Variants in MORC3 observed in about 807,000 individuals in gnomAD.
The protein encoded by MORC3 is MORC family CW-type zinc finger 3, also known as MORC family CW-type zinc finger protein 3.
MORC3 carries 31 observed loss-of-function variants against 109.1 expected under a neutral mutation model. The ratio of observed to expected loss-of-function variants is 0.28; its 90% CI spans 0.21 to 0.38. The LOEUF is 0.38. Ranked by LOEUF, MORC3 falls within the 10% of genes least tolerant of loss-of-function variation. MORC3 has a pLI of 1.00. For synonymous variants in MORC3, 395 were observed against 380.7 expected (o/e 1.04, Z -0.44); for missense variants, 867 against 1,135.8 (o/e 0.76, Z 3.40).
chr21:36,350,488 G>A (rs980629151), intron 9 of MORC3, among the ~76,000 whole-genome samples: 1 of 149,646 alleles, frequency 6.7e-6, no homozygotes, highest in Non-Finnish European at 1.5e-5. Context: ...AGGCTGCAAT[G>A]AGCCGTGATT....
In MORC3 at chr21:36,334,583, C is replaced by T. The variant is rs187828843; in HGVS notation, c.112+865C>T. Among the ~76,000 whole-genome samples, 8 of 152,218 alleles carry T rather than the reference C, an allele frequency of 5.3e-5. 1 individual carries two copies. The highest frequency in any genetic ancestry group is 2.0e-4 in the Admixed American group (3 of 15,282). ...AGGAGTATCTGGGATGACAAGTGTGCACCACAGTGACTGGCAGAATTATGT... is the reference window on the plus strand; with the variant it reads ...AGGAGTATCTGGGATGACAAGTGTGTACCACAGTGACTGGCAGAATTATGT... On this transcript the variant is annotated intron_variant, in intron 2 of 16. Coordinates refer to ENST00000400485, the MANE Select transcript of MORC3 (RefSeq NM_015358.3).
In MORC3 at chr21:36,375,275, G is replaced by C. The variant is rs1231252592; in HGVS notation, c.2799G>C (p.Met933Ile). Reference sequence around the variant, plus strand: ...TTTTAGGACAAGTTGTTGAACAAATGAGTGAAATCAGTAGTACTTAAAGTA... The same window carrying C: ...TTTTAGGACAAGTTGTTGAACAAATCAGTGAAATCAGTAGTACTTAAAGTA... The part of the protein sequence containing the change: ...DEILGQVVEQ[M>I]SEISST Residue 933 changes from methionine (M) to isoleucine (I), a missense_variant, in exon 17 of 17, where the codon ATG becomes ATC. By Grantham distance (10) the Met-to-Ile change is conservative (BLOSUM62 1). This residue lies in a region of MORC3 where 34 missense variants were observed against 35.2 expected (regional missense o/e 0.97). Coordinates refer to ENST00000400485, the MANE Select transcript of MORC3 (RefSeq NM_015358.3). 6.2e-7 allele frequency: 1 copy of C among 1,612,896 alleles called. No homozygotes were observed. The highest frequency in any genetic ancestry group is 2.2e-5 in the East Asian group (1 of 44,884).
At chr21:36,342,717 G>A (rs540633251) in intron 6 of MORC3, among the ~76,000 whole-genome samples, 1 of 151,392 alleles carries the variant, frequency 6.6e-6, no homozygotes, top group South Asian at 2.1e-4. Flanking sequence ...ATGAGTATCT[G>A]TTTAAGATTA....
At chr21:36,364,380 T>C in intron 14 of MORC3, 121 bp downstream of exon 14, 3 of 1,109,600 alleles carry the variant, frequency 2.7e-6, no homozygotes, top group Non-Finnish European at 2.6e-6. Flanking sequence ...GTAGGTTCCA[T>C]GAATGTGAAA....
rs1449325021 is a variant in MORC3 at position 36,356,732 on chromosome 21, C to T, written c.1208+8C>T. ...GCCAGTTGAAGATATACAGTAAGTA[C>T]ATTTTTAAAACATATCATTTCACTT... is the stretch of plus-strand genomic sequence containing the variant. On this transcript the variant is annotated splice_region_variant and intron_variant, in intron 10 of 16. Coordinates refer to ENST00000400485, the MANE Select transcript of MORC3 (RefSeq NM_015358.3). 2.0e-6 allele frequency: 3 copies of T among 1,479,262 alleles called. No individual in the cohort carries two copies. The highest frequency in any genetic ancestry group is 1.4e-5 in the African/African-American group (1 of 70,942). 91.6% of individuals were successfully genotyped at this position (1,479,262 alleles called of 1,614,324 possible).
chr21:36,326,248 G>T (rs1410517712), intron 1 of MORC3, among the ~76,000 whole-genome samples: 1 of 151,354 alleles, frequency 6.6e-6, no homozygotes, highest in Non-Finnish European at 1.5e-5. Context: ...ATTTGGCCAG[G>T]CTCGGTGGCT....
intron 2 of MORC3, 125 bp downstream of exon 2, chr21:36,333,843 C>T (rs553299512): frequency 1.7e-5 from 13 of 746,766 alleles, no homozygotes; most frequent in African/African-American, 5.4e-5. Flanking sequence ...AGTGCAGTGG[C>T]GCAGTCTCGG....
intron 6 of MORC3, among the ~76,000 whole-genome samples, chr21:36,343,661 C>G: frequency 6.6e-6 from 1 of 150,786 alleles, no homozygotes; most frequent in Non-Finnish European, 1.5e-5. Flanking sequence ...GTTAGCCAGG[C>G]TTCTCTTGAA....
chr21:36,360,930 G>C (rs1025060475), intron 12 of MORC3: 2 of 152,148 alleles, frequency 1.3e-5, no homozygotes, highest in Non-Finnish European at 2.9e-5. Flanking sequence ...AAAGTAGCCG[G>C]GTGTGGTGGC....
intron 14 of MORC3, among the ~76,000 whole-genome samples, chr21:36,364,938 G>T (rs2146334959): frequency 6.6e-6 from 1 of 150,468 alleles, no homozygotes; most frequent in African/African-American, 2.4e-5. Flanking sequence ...TGTAATCCCA[G>T]CTACTTGGGA....
intron 1 of MORC3, among the ~76,000 whole-genome samples, chr21:36,332,653 G>T (rs1274203885): frequency 6.6e-6 from 1 of 152,150 alleles, no homozygotes. Context: ...TTTGTTACTG[G>T]AGTACAAATT....
At chr21:36,350,748 A>C (rs1439346798) in intron 9 of MORC3, among the ~76,000 whole-genome samples, 2 of 152,178 alleles carry the variant, frequency 1.3e-5, no homozygotes, top group African/African-American at 4.8e-5. Flanking sequence ...TGACGTGGAC[A>C]CATTCCTTTG....
intron 8 of MORC3, among the ~76,000 whole-genome samples, chr21:36,345,956 C>T (rs1175579856): frequency 6.6e-6 from 1 of 152,176 alleles, no homozygotes; most frequent in East Asian, 1.9e-4. Context: ...ATCCTCGCAC[C>T]TTAGCCTCCT....
At chr21:36,325,939 C>T (rs1297101378) in intron 1 of MORC3, among the ~76,000 whole-genome samples, 7 of 152,078 alleles carry the variant, frequency 4.6e-5, no homozygotes, top group Admixed American at 3.3e-4. Context: ...TTAATTTGGG[C>T]GCAGTGGCTC....
In MORC3 at chr21:36,369,833, A is replaced by G. The variant is rs778778850; in HGVS notation, c.2465A>G (p.Gln822Arg). 1.2e-6 allele frequency: 2 copies of G among 1,613,814 alleles called. No homozygotes were observed. Among genetic ancestry groups the G allele is most frequent in the East Asian group, 4.5e-5 (2 of 44,884 alleles). The change falls in exon 15 of 17, where the codon CAA becomes CGA. Residue 822 changes from glutamine (Q) to arginine (R), a missense_variant. This residue lies in a region of MORC3 where 486 missense variants were observed against 502.1 expected (regional missense o/e 0.97). Transcript: ENST00000400485. The stretch of plus-strand genomic sequence containing the variant: ...GTGCAGCTTGACGATGTGTTTAGAC[A>G]ACTGGACAAATGCAGTATTGAGAGG... ...MAVQLDDVFRQLDKCSIERDQ... is the reference protein window; with the variant it reads ...MAVQLDDVFRRLDKCSIERDQ...
intron 16 of MORC3, among the ~76,000 whole-genome samples, chr21:36,374,778 T>TCCC (rs2085910895): frequency 6.6e-6 from 1 of 152,130 alleles, no homozygotes; most frequent in Non-Finnish European, 1.5e-5. Context: ...GCTCAGGTGA[T>TCCC]CCCCCACCTC....
Position 36,369,635 on chromosome 21 carries a change from T to C in MORC3, c.2267T>C (p.Leu756Pro). ...QSTETDAVFL[L>P]ESINGKSESP... ...ACTGAAACCGATGCTGTATTTTTAC[T>C]TGAAAGTATTAATGGCAAATCTGAA... Residue 756 changes from leucine (L) to proline (P), a missense_variant, in exon 15 of 17, where the codon CTT becomes CCT. Physicochemically the swap from Leu to Pro is moderately conservative, Grantham distance 98 (BLOSUM62 -3). This residue lies in a region of MORC3 where 486 missense variants were observed against 502.1 expected (regional missense o/e 0.97). Transcript: ENST00000400485. 4 of 1,614,242 alleles carry C rather than the reference T, an allele frequency of 2.5e-6. No homozygotes were observed. The highest frequency in any genetic ancestry group is 3.4e-6 in the Non-Finnish European group (4 of 1,180,046).
chr21:36,373,429 G>T (rs2085892647), intron 16 of MORC3, among the ~76,000 whole-genome samples: 1 of 151,990 alleles, frequency 6.6e-6, no homozygotes, highest in Non-Finnish European at 1.5e-5. Context: ...TTCGAGACCA[G>T]CCTGACCAAC....
chr21:36,344,386 C>G (rs867757844), intron 6 of MORC3, among the ~76,000 whole-genome samples, 193 bp from the exon 7 acceptor site: 1 of 152,244 alleles, frequency 6.6e-6, no homozygotes, highest in South Asian at 2.1e-4. Flanking sequence ...GTCATTTTTA[C>G]TGGCTGCGGT....
Sources: allele counts gnomAD v4.1 joint callset (sites outside exome capture counted in the v4.1 genomes callset), GRCh38; gene constraint gnomAD v4.1.1; regional missense constraint gnomAD v4.1.1; transcripts MANE v1.5; gene names NCBI Gene and HGNC (gene_info 2026-07-23, HGNC 2026-07-21).